SOAT1: variants seen among roughly 807,000 people sequenced by gnomAD.
SOAT1 encodes acyl-coenzyme A:cholesterol acyltransferase 1.
Under a neutral mutation model 69.5 loss-of-function variants are expected in SOAT1, and 55 were observed. The observed-to-expected ratio is 0.79, with a 90% confidence interval of 0.64 to 0.99. SOAT1 has a LOEUF of 0.99. Ranked by LOEUF, SOAT1 falls within the 50% of genes least tolerant of loss-of-function variation. The pLI is 0.00. For synonymous variants in SOAT1, 231 were observed against 224.7 expected (o/e 1.03, Z -0.25); for missense variants, 580 against 669.3 (o/e 0.87, Z 1.47).
Position 179,353,864 on chromosome 1 carries a change from G to T in SOAT1, c.*223G>T, listed in dbSNP as rs371235706. ...AGAACTTTTTTTGTGGGGCTGGGTG[G>T]GGGGAGAAGACCGACTAACAGCTGA... On this transcript the variant is annotated 3_prime_UTR_variant, in exon 16 of 16. Coordinates refer to ENST00000367619, the MANE Select transcript of SOAT1 (RefSeq NM_003101.6). 24 of 517,420 alleles carry T rather than the reference G, an allele frequency of 4.6e-5. 1 individual carries two copies. The South Asian group carries it at 4.8e-4, about 10-fold the overall frequency. The allele number at this position is 517,420 out of a possible 1,614,324, so 32.1% of individuals were successfully genotyped here.
chr1:179,313,694 C>T (rs1198840895), intron 2 of SOAT1, among the ~76,000 whole-genome samples: 3 of 152,170 alleles, frequency 2.0e-5, no homozygotes, highest in Non-Finnish European at 4.4e-5. Context: ...AAGCGATTCT[C>T]TTGCCTCACC....
At chr1:179,320,909 AT>A (rs573309798) in intron 2 of SOAT1, among the ~76,000 whole-genome samples, 304 of 140,050 alleles carry the variant, frequency 2.2e-3, no homozygotes, top group Middle Eastern at 3.6e-3. Context: ...AAATTTTTGT[AT>A]TTTTTTTTTT....
intron 10 of SOAT1, among the ~76,000 whole-genome samples, chr1:179,344,353 G>GTTTTT (rs1553247808): frequency 1.7e-3 from 24 of 14,186 alleles, no homozygotes; most frequent in Non-Finnish European, 2.3e-3. Flanking sequence ...TCATTAAGGG[G>GTTTTT]TTTTTTTTTT....
At chr1:179,315,421 G>A (rs1352818402) in intron 2 of SOAT1, among the ~76,000 whole-genome samples, 2 of 151,818 alleles carry the variant, frequency 1.3e-5, no homozygotes, top group East Asian at 3.9e-4. Context: ...CTATGATCAT[G>A]CCATAGCCAC....
At chr1:179,321,001 G>A (rs1043803237) in intron 2 of SOAT1, among the ~76,000 whole-genome samples, 3 of 152,014 alleles carry the variant, frequency 2.0e-5, no homozygotes, top group Non-Finnish European at 4.4e-5. Flanking sequence ...TGCCTCCTGG[G>A]TTCAAGCAAT....
intron 7 of SOAT1, among the ~76,000 whole-genome samples, chr1:179,341,617 C>T (rs937667221): frequency 1.3e-5 from 2 of 151,440 alleles, no homozygotes; most frequent in Admixed American, 1.3e-4. Flanking sequence ...TCACTGCAAC[C>T]CCTGCCTCCC....
intron 11 of SOAT1, among the ~76,000 whole-genome samples, chr1:179,347,331 C>T (rs538447949): frequency 3.9e-5 from 5 of 129,482 alleles, no homozygotes; most frequent in Middle Eastern, 4.6e-3. Context: ...GCACTCCAGC[C>T]TGGGTGACAG....
rs1241149457 is a variant in SOAT1 at position 179,344,971 on chromosome 1, T to C, written c.1012T>C (p.Tyr338His). The change falls in exon 11 of 16, where the codon TAC becomes CAC. Residue 338 changes from tyrosine (Y) to histidine (H), a missense_variant. Coordinates refer to ENST00000367619, the MANE Select transcript of SOAT1 (RefSeq NM_003101.6). ...GGTCTTTGGTTGCTTTTTCTATGTGTACTACATCTTTGAAAGGCTTTGTGC... is the reference window on the plus strand; with the variant it reads ...GGTCTTTGGTTGCTTTTTCTATGTGCACTACATCTTTGAAAGGCTTTGTGC... ...AQVFGCFFYVYYIFERLCAPL... is the reference protein window; with the variant it reads ...AQVFGCFFYVHYIFERLCAPL... 1 of 1,614,112 alleles carries C rather than the reference T, an allele frequency of 6.2e-7. No homozygotes were observed. Among genetic ancestry groups the C allele is most frequent in the East Asian group, 2.2e-5 (1 of 44,882 alleles).
chr1:179,320,615 T>C (rs1665563384), intron 2 of SOAT1, among the ~76,000 whole-genome samples: 1 of 152,246 alleles, frequency 6.6e-6, no homozygotes, highest in South Asian at 2.1e-4. Context: ...AATCTTCTAG[T>C]CAATGAATAT....
At chr1:179,316,004 A>G (rs1465170170) in intron 2 of SOAT1, among the ~76,000 whole-genome samples, 2 of 152,182 alleles carry the variant, frequency 1.3e-5, no homozygotes. Context: ...ATATTTCTTA[A>G]TCAGTTACCA....
chr1:179,348,983 A>G (rs1189597366), intron 13 of SOAT1, 41 bp downstream of exon 13: 2 of 1,086,666 alleles, frequency 1.8e-6, no homozygotes, highest in East Asian at 2.4e-5. Context: ...TATGAAATGG[A>G]GATTCTTTTT....
chr1:179,340,699 T>G (rs1666302877), intron 6 of SOAT1, among the ~76,000 whole-genome samples: 1 of 151,988 alleles, frequency 6.6e-6, no homozygotes, highest in African/African-American at 2.4e-5. Context: ...AGTTAGAAAA[T>G]TAATGTGAGA....
At position 179,353,671 on chromosome 1, in the gene SOAT1, T is replaced by C; in HGVS notation, c.*30T>C. 6.3e-7 allele frequency: 1 copy of C among 1,580,778 alleles called. No homozygotes were observed. The highest frequency in any genetic ancestry group is 8.7e-7 in the Non-Finnish European group (1 of 1,150,034). ...TTGGACTTTGTTTCCTCCTTGTCAC[T>C]GAAGATTGGGTAGCTCCCTGATTTG... On this transcript the variant is annotated 3_prime_UTR_variant, in exon 16 of 16. Coordinates refer to ENST00000367619, the MANE Select transcript of SOAT1 (RefSeq NM_003101.6).
At chr1:179,323,333 C>A (rs780192060) in intron 2 of SOAT1, 104 bp from the exon 3 acceptor site, 3 of 881,128 alleles carry the variant, frequency 3.4e-6, no homozygotes, top group East Asian at 2.6e-5. Context: ...CCACAGTTTA[C>A]GCAGTTACCT....
intron 3 of SOAT1, among the ~76,000 whole-genome samples, chr1:179,332,308 C>T (rs934748008): frequency 6.6e-6 from 1 of 152,128 alleles, no homozygotes; most frequent in South Asian, 2.1e-4. Flanking sequence ...GCTTAAAGGT[C>T]CATGATCTAG....
chr1:179,345,101 G>A (rs770814278), intron 11 of SOAT1, 25 bp downstream of exon 11: 1 of 1,611,042 alleles, frequency 6.2e-7, no homozygotes, highest in Non-Finnish European at 8.5e-7. Context: ...TGTTAATTTG[G>A]TCATGCATAA....
At chr1:179,351,017 C>CTT (rs1558060562) in intron 14 of SOAT1, among the ~76,000 whole-genome samples, 7 of 13,940 alleles carry the variant, frequency 5.0e-4, no homozygotes, top group African/African-American at 1.5e-3. Context: ...CTGTATATTT[C>CTT]TTTCTTTTTT....
In SOAT1 at chr1:179,351,326, ACTT is replaced by A. The variant is rs1297440241; in HGVS notation, c.1462_1464del (p.Phe488del). 1 of 1,613,722 alleles carries A rather than the reference ACTT, an allele frequency of 6.2e-7. No individual in the cohort carries two copies. Among genetic ancestry groups the A allele is most frequent in the Non-Finnish European group, 8.5e-7 (1 of 1,179,886 alleles). ...GCCTTCCTATTTTTAGTGGCTTTCA[ACTT>A]CATTGTCAATGATAGTCGGAAAAAG... is the stretch of plus-strand genomic sequence containing the variant. On this transcript the variant is annotated inframe_deletion, in exon 15 of 16. Coordinates refer to ENST00000367619, the MANE Select transcript of SOAT1 (RefSeq NM_003101.6).
chr1:179,336,032 C>T (rs1210329401), intron 4 of SOAT1, among the ~76,000 whole-genome samples: 2 of 151,556 alleles, frequency 1.3e-5, no homozygotes, highest in South Asian at 2.1e-4. Flanking sequence ...GGCGTGGTGG[C>T]GGGCGTCTGT....
Sources: gnomAD v4.1 joint callset for allele counts (sites outside exome capture counted in the v4.1 genomes callset) on GRCh38, gnomAD v4.1.1 for gene constraint, MANE v1.5 for transcripts, NCBI Gene and HGNC (gene_info 2026-07-23, HGNC 2026-07-21) for gene names.